Variants in ENTREP1 observed in about 807,000 individuals in gnomAD.
The protein encoded by ENTREP1 is Friedreich ataxia region gene X123.
chr9:69,387,934 T>G, the ENTREP1 span: 2 of 1,499,458 alleles, frequency 1.3e-6, no homozygotes, highest in East Asian at 5.5e-5. Context: ...GTGTCGTACA[T>G]GACACAATGA....
chr9:69,346,513 A>G, the ENTREP1 span, among the ~76,000 whole-genome samples: 1 of 152,104 alleles, frequency 6.6e-6, no homozygotes, highest in Non-Finnish European at 1.5e-5. Context: ...TCTTTTATAT[A>G]AGATAAAGAA....
At chr9:69,340,830 GTAT>G in the ENTREP1 span, among the ~76,000 whole-genome samples, 1 of 138,408 alleles carries the variant, frequency 7.2e-6, no homozygotes, top group Non-Finnish European at 1.6e-5. Context: ...TGTGTGTGTA[GTAT>G]TCTAGGTTGT....
the ENTREP1 span, chr9:69,377,617 T>C: frequency 6.2e-7 from 1 of 1,613,982 alleles, no homozygotes; most frequent in Non-Finnish European, 8.5e-7. Context: ...TCAGGATGAA[T>C]CCCAGATTTC....
the ENTREP1 span, chr9:69,325,406 G>C: frequency 9.3e-7 from 1 of 1,072,832 alleles, no homozygotes. Flanking sequence ...TGCCGCCGCC[G>C]CTCAGGAGCC....
At chr9:69,349,963 T>C in the ENTREP1 span, among the ~76,000 whole-genome samples, 1 of 152,244 alleles carries the variant, frequency 6.6e-6, no homozygotes, top group Non-Finnish European at 1.5e-5. Flanking sequence ...CAAAAGATTA[T>C]AGGGTGAACC....
chr9:69,377,842 T>C, the ENTREP1 span: 2 of 1,376,542 alleles, frequency 1.5e-6, no homozygotes, highest in Non-Finnish European at 1.9e-6. Flanking sequence ...TCACTTTTCT[T>C]TGAAAAAGAA....
chr9:69,389,123 G>A, the ENTREP1 span, among the ~76,000 whole-genome samples: 1 of 152,160 alleles, frequency 6.6e-6, no homozygotes, highest in Non-Finnish European at 1.5e-5. Context: ...TCTGGTAAGA[G>A]CCTTCTCTCC....
the ENTREP1 span, among the ~76,000 whole-genome samples, chr9:69,337,870 T>A: frequency 6.6e-6 from 1 of 152,210 alleles, no homozygotes; most frequent in Non-Finnish European, 1.5e-5. Context: ...TAAAGTCATT[T>A]TGTATATATG....
At chr9:69,381,753 C>G in the ENTREP1 span, 1 of 152,198 alleles carries the variant, frequency 6.6e-6, no homozygotes, top group Non-Finnish European at 1.5e-5. Context: ...TAAGAAATTG[C>G]TTAATAGGAA....
At chr9:69,355,437 T>C in the ENTREP1 span, among the ~76,000 whole-genome samples, 1 of 152,342 alleles carries the variant, frequency 6.6e-6, no homozygotes, top group African/African-American at 2.4e-5. Context: ...TAGCAGATTA[T>C]AGTGATCTGA....
chr9:69,361,853 T>C, the ENTREP1 span, among the ~76,000 whole-genome samples: 1 of 152,326 alleles, frequency 6.6e-6, no homozygotes, highest in South Asian at 2.1e-4. Flanking sequence ...GGATTCAGTT[T>C]TCTCAGGACC....
the ENTREP1 span, among the ~76,000 whole-genome samples, chr9:69,340,636 C>CATGTGTGTGTGTATGTGTGTGTGT: frequency 8.3e-6 from 1 of 120,546 alleles, no homozygotes; most frequent in East Asian, 2.5e-4. Flanking sequence ...TGTGTGTGTG[C>CATGTGTGTGTGTATGTGTGTGTGT]GTGCATGTGT....
At chr9:69,338,077 A>G in the ENTREP1 span, among the ~76,000 whole-genome samples, 2 of 152,214 alleles carry the variant, frequency 1.3e-5, no homozygotes, top group African/African-American at 4.8e-5. Context: ...AAGATGACAT[A>G]GGCAACATTT....
At chr9:69,361,242 T>C in the ENTREP1 span, among the ~76,000 whole-genome samples, 1 of 152,214 alleles carries the variant, frequency 6.6e-6, no homozygotes, top group Admixed American at 6.5e-5. Flanking sequence ...ATACAGAAAT[T>C]TTCCAGTGTT....
the ENTREP1 span, chr9:69,388,130 G>A: frequency 1.9e-6 from 3 of 1,613,970 alleles, no homozygotes; most frequent in Non-Finnish European, 2.5e-6. Flanking sequence ...TTGGCCAATG[G>A]GTACATGTTG....
the ENTREP1 span, among the ~76,000 whole-genome samples, chr9:69,367,630 A>AAT: frequency 4.7e-5 from 6 of 128,722 alleles, no homozygotes; most frequent in Admixed American, 1.7e-4. Context: ...CATATATATA[A>AAT]ATATATATAT....
the ENTREP1 span, chr9:69,329,340 C>G: frequency 7.3e-6 from 7 of 958,546 alleles, no homozygotes; most frequent in Admixed American, 4.3e-4. Flanking sequence ...TTTGAAATGA[C>G]TATTTGTTGA....
the ENTREP1 span, among the ~76,000 whole-genome samples, chr9:69,333,232 G>T: frequency 6.6e-6 from 1 of 151,412 alleles, no homozygotes; most frequent in Admixed American, 6.6e-5. Context: ...GGCTGTGTAG[G>T]TGAGGGGGGC....
chr9:69,357,620 T>C, the ENTREP1 span, among the ~76,000 whole-genome samples: 3 of 152,006 alleles, frequency 2.0e-5, no homozygotes, highest in Non-Finnish European at 2.9e-5. Flanking sequence ...TGGGAGTAGG[T>C]TCTGTTGGGG....
Sources: gnomAD v4.1 joint callset for allele counts (sites outside exome capture counted in the v4.1 genomes callset) on GRCh38, gnomAD v4.1.1 for gene constraint, MANE v1.5 for transcripts, NCBI Gene and HGNC (gene_info 2026-07-23, HGNC 2026-07-21) for gene names.